Variants in DOP1B observed in about 807,000 individuals in gnomAD.
The protein encoded by DOP1B is DOP1 leucine zipper like protein B, also known as protein DOP1B.
DOP1B carries 174 observed loss-of-function variants against 233.5 expected under a neutral mutation model. The ratio of observed to expected loss-of-function variants is 0.75; its 90% CI spans 0.66 to 0.85. DOP1B has a LOEUF of 0.85. DOP1B is among the 40% of genes least tolerant of loss of function. The probability of loss-of-function intolerance (pLI) is 0.00; values close to 1 mark genes in which losing one functional copy is unlikely to be tolerated. For synonymous variants in DOP1B, 1,190 were observed against 1,185.6 expected, an observed-to-expected ratio of 1.00 and a Z score of -0.08; for missense variants, 2,652 against 2,846.6, an observed-to-expected ratio of 0.93 and a Z score of 1.56.
Position 36,245,457 on chromosome 21 carries a change from G to T in DOP1B, c.3477G>T (p.Ser1159=). The change falls in exon 19 of 37, where the codon TCG becomes TCT. Residue 1159 remains serine (S), a synonymous_variant. Coordinates refer to ENST00000691173, the MANE Select transcript of DOP1B (RefSeq NM_001320714.2). The surrounding 1 kb of genome is among the most constrained non-coding windows in gnomAD (Gnocchi z 5.5). The part of the protein sequence containing the change: ...PMGGRAYPKR[S]ALLAAFQSES... ...GGGGCAGGGCGTACCCCAAGCGCTC[G>T]GCCCTGCTGGCGGCCTTCCAGTCAG... 6.2e-7 allele frequency: 1 copy of T among 1,613,888 alleles called. No homozygotes were observed. The highest frequency in any genetic ancestry group is 8.5e-7 in the Non-Finnish European group (1 of 1,180,036).
At chr21:36,210,554 G>A (rs867558881) in intron 5 of DOP1B, among the ~76,000 whole-genome samples, 93 of 152,112 alleles carry the variant, frequency 6.1e-4, no homozygotes, top group Admixed American at 2.8e-3. Flanking sequence ...CTGAGACAAA[G>A]GAATCGCTTG....
At chr21:36,288,401 T>A (rs2067513549) in intron 33 of DOP1B, among the ~76,000 whole-genome samples, 1 of 152,136 alleles carries the variant, frequency 6.6e-6, no homozygotes, top group African/African-American at 2.4e-5. Context: ...TTTATATACA[T>A]ATAAATTTGG....
chr21:36,255,663 C>T (rs2067087487), intron 23 of DOP1B, among the ~76,000 whole-genome samples: 1 of 151,092 alleles, frequency 6.6e-6, no homozygotes, highest in Non-Finnish European at 1.5e-5. Context: ...AACTCCTAGG[C>T]TCAAGCAATC....
At chr21:36,158,441 GAA>G (rs528281000) in intron 1 of DOP1B, among the ~76,000 whole-genome samples, 29 of 152,224 alleles carry the variant, frequency 1.9e-4, no homozygotes, top group Admixed American at 4.6e-4. Flanking sequence ...GCAATTTTCC[GAA>G]TGGCCTGACT....
At chr21:36,219,287 A>C in intron 9 of DOP1B, 85 bp from the exon 10 acceptor site, 1 of 1,545,696 alleles carries the variant, frequency 6.5e-7, no homozygotes, top group Admixed American at 1.7e-5. Context: ...TTTACTGTAT[A>C]TATGTCTTAT....
intron 26 of DOP1B, among the ~76,000 whole-genome samples, chr21:36,268,661 C>T (rs770999760): frequency 2.6e-5 from 4 of 152,192 alleles, no homozygotes; most frequent in Non-Finnish European, 4.4e-5. Flanking sequence ...TGCTGCGGCT[C>T]CAGTCGGTCC....
At chr21:36,187,823 A>G (rs2066181459) in intron 2 of DOP1B, among the ~76,000 whole-genome samples, 1 of 149,504 alleles carries the variant, frequency 6.7e-6, no homozygotes, top group Non-Finnish European at 1.5e-5. Context: ...CTGGTCTTGA[A>G]CTCCTGGGCT....
chr21:36,276,421 C>T (rs1280013932), intron 27 of DOP1B, among the ~76,000 whole-genome samples: 1 of 152,084 alleles, frequency 6.6e-6, no homozygotes, highest in African/African-American at 2.4e-5. Context: ...CCCCCAGCTA[C>T]TCGGGAGGCT....
At chr21:36,195,223 C>A (rs11701106) in intron 2 of DOP1B, among the ~76,000 whole-genome samples, 14,833 of 151,898 alleles carry the variant, frequency 0.098, 968 homozygotes, top group Admixed American at 0.16. Context: ...TGCCTGTAAT[C>A]CCAGCTACTT....
At chr21:36,169,218 GGA>G (rs1438625636) in intron 2 of DOP1B, 38 of 1,020,704 alleles carry the variant, frequency 3.7e-5, no homozygotes, top group Non-Finnish European at 1.1e-5. Flanking sequence ...TCACCATAGT[GGA>G]CAAAGCCACC....
At chr21:36,198,196 G>A (rs934043033) in intron 2 of DOP1B, among the ~76,000 whole-genome samples, 10 of 152,074 alleles carry the variant, frequency 6.6e-5, no homozygotes, top group Non-Finnish European at 1.2e-4. Flanking sequence ...TTGGGAGGCC[G>A]AGGCGGGTGG....
At chr21:36,227,371 C>T (rs1037096175) in intron 12 of DOP1B, among the ~76,000 whole-genome samples, 1 of 151,406 alleles carries the variant, frequency 6.6e-6, no homozygotes, top group Admixed American at 6.6e-5. Context: ...CACGGTGAAA[C>T]CCCATCTCTA....
chr21:36,179,943 CAG>C lies in DOP1B; in HGVS notation c.138+15073_138+15074del, dbSNP rs768250124. 3.3e-5 allele frequency among the ~76,000 whole-genome samples: 5 copies of C among 152,146 alleles called. No homozygotes were observed. In the East Asian group the frequency reaches 5.8e-4, roughly 18 times the overall value. The stretch of plus-strand genomic sequence containing the variant: ...GGACGTACAGTGAAGCCTCTGGACA[CAG>C]GGGTATGTGCTGGCCTGCCTTTGCC... On this transcript the variant is annotated intron_variant, in intron 2 of 36. Transcript: ENST00000691173.
Position 36,232,854 on chromosome 21 carries a change from T to C in DOP1B, c.2401T>C (p.Cys801Arg), listed in dbSNP as rs1338784971. The C allele has an allele frequency of 6.2e-7, 1 of 1,613,560 alleles. No individual in the cohort carries two copies. The highest frequency in any genetic ancestry group is 8.5e-7 in the Non-Finnish European group (1 of 1,179,964). The part of the protein sequence containing the change: ...PSWLKSLMTI[C>R]CCVTDCYLQN... ...TTGGCTGAAGTCCCTCATGACTATT[T>C]GCTGCTGTGTGACTGACTGCTACCT... The change falls in exon 15 of 37, where the codon TGC becomes CGC. Residue 801 changes from cysteine to arginine, a missense_variant. Transcript: ENST00000691173.
intron 7 of DOP1B, among the ~76,000 whole-genome samples, chr21:36,213,643 A>G (rs2066525500): frequency 6.6e-6 from 1 of 151,678 alleles, no homozygotes; most frequent in African/African-American, 2.4e-5. Context: ...AATACAAGTG[A>G]TTCTTCTGCC....
chr21:36,245,392 C>T lies in DOP1B; in HGVS notation c.3412C>T (p.Leu1138=). The T allele has an allele frequency of 6.2e-7, 1 of 1,614,084 alleles. No individual in the cohort carries two copies. Among genetic ancestry groups the T allele is most frequent in the Non-Finnish European group, 8.5e-7 (1 of 1,180,042 alleles). ...CTCCCCTTCCCACGACCTGCAGGAG[C>T]TGAGCAACGAAGAGAACTGCTGTGC... The part of the protein sequence containing the change: ...FSSPSHDLQE[L]SNEENCCAPI... The change falls in exon 19 of 37, where the codon CTG becomes TTG. Residue 1138 remains leucine (L), a synonymous_variant. Coordinates refer to ENST00000691173, the MANE Select transcript of DOP1B (RefSeq NM_001320714.2). The surrounding 1 kb of genome is among the most constrained non-coding windows in gnomAD (Gnocchi z 5.5).
At chr21:36,207,293 T>C (rs924677469) in intron 4 of DOP1B, among the ~76,000 whole-genome samples, 1 of 151,530 alleles carries the variant, frequency 6.6e-6, no homozygotes, top group Non-Finnish European at 1.5e-5. Flanking sequence ...CAAGCAATTC[T>C]CCTGCCTCAG....
At chr21:36,286,792 A>C (rs60887222) in intron 32 of DOP1B, among the ~76,000 whole-genome samples, 1 of 151,602 alleles carries the variant, frequency 6.6e-6, no homozygotes, top group South Asian at 2.1e-4. Context: ...GCTAAACCCT[A>C]TCTCTACTAA....
intron 2 of DOP1B, chr21:36,169,450 G>C: frequency 9.4e-7 from 1 of 1,063,732 alleles, no homozygotes; most frequent in Non-Finnish European, 1.5e-6. Context: ...GGCCTCGGTG[G>C]GTCTTGTGGG....
Sources: gnomAD v4.1 joint callset for allele counts (sites outside exome capture counted in the v4.1 genomes callset) on GRCh38, gnomAD v4.1.1 for gene constraint, Gnocchi (gnomAD v3.1) non-coding constraint, MANE v1.5 for transcripts, NCBI Gene and HGNC (gene_info 2026-07-23, HGNC 2026-07-21) for gene names.